The following AFF2 variants were observed in gnomAD, a reference collection of about 807,000 sequenced individuals.
The protein encoded by AFF2 is ALF transcription elongation factor 2.
Under a neutral mutation model 76.9 loss-of-function variants are expected in AFF2, and 14 were observed. The ratio of observed to expected loss-of-function variants is 0.18; its 90% CI spans 0.12 to 0.28. AFF2 has a LOEUF of 0.28. AFF2 is among the 10% of genes least tolerant of loss of function. AFF2 has a pLI of 1.00. For missense variants in AFF2, 868 were observed against 1,001.1 expected, an observed-to-expected ratio of 0.87 and a Z score of 1.79; for synonymous variants, 398 against 366.7, an observed-to-expected ratio of 1.09 and a Z score of -0.98.
intron 1 of AFF2, among the ~76,000 whole-genome samples, chrX:148,521,076 C>G (rs1426538802): frequency 9.0e-6 from 1 of 111,529 alleles, no homozygotes; most frequent in Non-Finnish European, 1.9e-5. Flanking sequence ...TGAAAATGAA[C>G]TTGGATAGAA....
intron 1 of AFF2, among the ~76,000 whole-genome samples, chrX:148,637,861 C>A (rs982636537): frequency 6.3e-5 from 7 of 111,421 alleles, no homozygotes; most frequent in Non-Finnish European, 1.3e-4. Context: ...TCTTATCCTG[C>A]AGTTTATTTT....
At chrX:148,600,889 G>A (rs1210216347) in intron 1 of AFF2, among the ~76,000 whole-genome samples, 1 of 112,511 alleles carries the variant, frequency 8.9e-6, no homozygotes, top group East Asian at 2.8e-4. Context: ...CAAGCTAAGT[G>A]TAGAGCAAAT....
At chrX:148,656,926 T>G (rs1557257202) in intron 2 of AFF2, among the ~76,000 whole-genome samples, 1 of 112,359 alleles carries the variant, frequency 8.9e-6, no homozygotes, top group Non-Finnish European at 1.9e-5. Flanking sequence ...ATTTATCCTC[T>G]GACAGGATGT....
intron 7 of AFF2, among the ~76,000 whole-genome samples, chrX:148,865,558 T>C (rs2070896237): frequency 8.9e-6 from 1 of 112,090 alleles, no homozygotes; most frequent in African/African-American, 3.2e-5. Context: ...ACACACTGTG[T>C]ACACAGAATA....
At chrX:148,634,016 G>C (rs1271961363) in intron 1 of AFF2, among the ~76,000 whole-genome samples, 1 of 111,672 alleles carries the variant, frequency 9.0e-6, no homozygotes, top group Non-Finnish European at 1.9e-5. Context: ...GCCACTGACC[G>C]GGTGGATGAC....
At chrX:148,664,980 A>T (rs1361532141) in intron 3 of AFF2, among the ~76,000 whole-genome samples, 1 of 112,222 alleles carries the variant, frequency 8.9e-6, no homozygotes, top group Non-Finnish European at 1.9e-5. Flanking sequence ...ATCTGCTTTG[A>T]AAAAGTACAA....
intron 3 of AFF2, among the ~76,000 whole-genome samples, chrX:148,765,828 A>G (rs1557267664): frequency 9.6e-6 from 1 of 103,992 alleles, no homozygotes; most frequent in Admixed American, 1.0e-4. Context: ...AGCATTAGGT[A>G]TATCTCCCAA....
At chrX:148,791,375 T>G (rs1165250438) in intron 3 of AFF2, among the ~76,000 whole-genome samples, 2 of 111,247 alleles carry the variant, frequency 1.8e-5, no homozygotes, top group East Asian at 5.7e-4. Context: ...CTCATGAGAC[T>G]TATTCACTGC....
intron 8 of AFF2, among the ~76,000 whole-genome samples, chrX:148,892,802 C>G (rs183074788): frequency 8.9e-6 from 1 of 111,782 alleles, no homozygotes; most frequent in African/African-American, 3.2e-5. Context: ...CCACAGTTCT[C>G]CCTCGTCATA....
At chrX:148,852,651 T>A (rs2070745059) in intron 7 of AFF2, among the ~76,000 whole-genome samples, 1 of 111,174 alleles carries the variant, frequency 9.0e-6, no homozygotes, top group African/African-American at 3.3e-5. Flanking sequence ...CAACCACCAC[T>A]TTTGGAACCT....
chrX:148,791,683 C>A (rs1002425675), intron 3 of AFF2, among the ~76,000 whole-genome samples: 51 of 112,285 alleles, frequency 4.5e-4, no homozygotes, highest in African/African-American at 1.6e-3. Context: ...CTGTTTTAAT[C>A]AGTTGCTTTT....
chrX:148,858,696 A>G (rs1202744890), intron 7 of AFF2, among the ~76,000 whole-genome samples: 2 of 111,386 alleles, frequency 1.8e-5, no homozygotes, highest in Admixed American at 9.6e-5. Context: ...GATGCAAGAA[A>G]ACCCCACTTC....
At chrX:148,723,348 C>T (rs1316419609) in intron 3 of AFF2, among the ~76,000 whole-genome samples, 14 of 111,724 alleles carry the variant, frequency 1.3e-4, no homozygotes, top group African/African-American at 4.6e-4. Flanking sequence ...AAATTTAATG[C>T]AACTGAGAGA....
At chrX:148,964,028 G>C (rs1427005147) in intron 13 of AFF2, among the ~76,000 whole-genome samples, 9 of 112,375 alleles carry the variant, frequency 8.0e-5, no homozygotes. Context: ...AAGTGTAAAA[G>C]ATCCACAGAA....
At chrX:148,683,851 T>A (rs782053843) in intron 3 of AFF2, among the ~76,000 whole-genome samples, 18 of 112,052 alleles carry the variant, frequency 1.6e-4, no homozygotes, top group African/African-American at 5.8e-4. Context: ...AAGACTACTT[T>A]CATTGCATCG....
At chrX:148,672,959 G>C (rs1557259214) in intron 3 of AFF2, among the ~76,000 whole-genome samples, 1 of 111,445 alleles carries the variant, frequency 9.0e-6, no homozygotes, top group Non-Finnish European at 1.9e-5. Context: ...TTGCTATAGA[G>C]GGAGTAAGAC....
At chrX:148,895,978 G>C (rs1557280273) in intron 8 of AFF2, among the ~76,000 whole-genome samples, 1 of 111,297 alleles carries the variant, frequency 9.0e-6, no homozygotes, top group East Asian at 2.8e-4. Flanking sequence ...TCTGAGCCAC[G>C]AGCCTGCCTG....
intron 1 of AFF2, among the ~76,000 whole-genome samples, chrX:148,639,506 C>T (rs1473492134): frequency 8.9e-6 from 1 of 111,960 alleles, no homozygotes; most frequent in African/African-American, 3.2e-5. Flanking sequence ...GCAATTGGTG[C>T]ACACATAGTT....
chrX:148,650,185 C>T (rs1262645009), intron 1 of AFF2, among the ~76,000 whole-genome samples: 1 of 111,039 alleles, frequency 9.0e-6, no homozygotes, highest in African/African-American at 3.3e-5. Flanking sequence ...CGGTCACAAG[C>T]GCCACACTTA....
Sources: allele counts gnomAD v4.1 joint callset (sites outside exome capture counted in the v4.1 genomes callset), GRCh38; gene constraint gnomAD v4.1.1; transcripts MANE v1.5; gene names NCBI Gene and HGNC (gene_info 2026-07-23, HGNC 2026-07-21).